SELENOW: variants seen among roughly 807,000 people sequenced by gnomAD.
The protein encoded by SELENOW is selenoprotein W.
SELENOW carries 20 observed loss-of-function variants against 16.6 expected under a neutral mutation model. The ratio of observed to expected loss-of-function variants is 1.21; its 90% CI spans 0.85 to 1.76. The LOEUF is 1.76. Ranked by LOEUF, SELENOW falls within the 40% of genes most tolerant of loss-of-function variation. The pLI is 0.00. For missense variants in SELENOW, 124 were observed against 111.0 expected, an observed-to-expected ratio of 1.12 and a Z score of -0.53; for synonymous variants, 44 against 46.2, an observed-to-expected ratio of 0.95 and a Z score of 0.19.
At chr19:47,781,072 A>G in intron 3 of SELENOW, 36 bp from the exon 4 acceptor site, 1 of 1,595,946 alleles carries the variant, frequency 6.3e-7, no homozygotes, top group South Asian at 1.1e-5. Flanking sequence ...AGGACATCTT[A>G]GCCCCTCCAA....
rs1297267700 is a variant in SELENOW at position 47,784,460 on chromosome 19, C to T, written c.*189C>T. ...GGGAGAGTCTGTGTGTATGTGTCTT[C>T]CCCGGAATCCACACCACCCCACCCT... is the stretch of plus-strand genomic sequence containing the variant. On this transcript the variant is annotated 3_prime_UTR_variant, in exon 6 of 6. Coordinates refer to ENST00000601048, the MANE Select transcript of SELENOW (RefSeq NM_003009.4). The T allele has an allele frequency of 6.6e-6, 1 of 152,566 alleles. No individual in the cohort carries two copies. Among genetic ancestry groups the T allele is most frequent in the African/African-American group, 2.4e-5 (1 of 41,426 alleles). The allele number at this position is 152,566 out of a possible 1,614,324, so 9.5% of individuals were successfully genotyped here.
intron 5 of SELENOW, 156 bp downstream of exon 5, chr19:47,781,544 GACA>G (rs1158940334): frequency 2.0e-5 from 12 of 613,550 alleles, no homozygotes; most frequent in Non-Finnish European, 2.9e-5. Flanking sequence ...GTTGGTGGAG[GACA>G]ACAACTGAGA....
At chr19:47,780,689 T>G in intron 1 of SELENOW, 36 bp from the exon 2 acceptor site, 7 of 1,550,578 alleles carry the variant, frequency 4.5e-6, no homozygotes, top group Non-Finnish European at 6.1e-6. Context: ...TCTCCCTCTC[T>G]CCCCTGGGCC....
At chr19:47,778,839 C>T (rs775848750) in intron 1 of SELENOW, 25 bp downstream of exon 1, 3 of 1,595,352 alleles carry the variant, frequency 1.9e-6, no homozygotes, top group Non-Finnish European at 1.7e-6. Flanking sequence ...CAGCGGCCCC[C>T]GTCCCCGACC....
chr19:47,780,794 G>T, intron 2 of SELENOW, 45 bp downstream of exon 2: 1 of 1,594,472 alleles, frequency 6.3e-7, no homozygotes, highest in Non-Finnish European at 8.5e-7. Context: ...GAGCTGGGGA[G>T]GGGTAGAGTG....
intron 1 of SELENOW, chr19:47,779,558 A>C (rs896114079): frequency 6.5e-6 from 1 of 153,036 alleles, no homozygotes; most frequent in African/African-American, 2.4e-5. Context: ...TAATCCAAAC[A>C]CTGGGAGGCT....
intron 1 of SELENOW, 122 bp downstream of exon 1, chr19:47,778,936 C>T: frequency 1.0e-6 from 1 of 984,820 alleles, no homozygotes. Flanking sequence ...AAGGGAGCCC[C>T]TGTATGTGGG....
At chr19:47,781,622 G>T in intron 5 of SELENOW, 1 of 568,164 alleles carries the variant, frequency 1.8e-6, no homozygotes, top group Non-Finnish European at 3.2e-6. Context: ...CAGGATGACA[G>T]CTGAGATGGG....
chr19:47,781,083 C>G (rs769681728), intron 3 of SELENOW, 25 bp from the exon 4 acceptor site: 1 of 1,607,592 alleles, frequency 6.2e-7, no homozygotes, highest in Admixed American at 1.7e-5. Context: ...GCCCCTCCAA[C>G]ATCTCCCCTA....
At chr19:47,778,988 T>C (rs1308581178) in intron 1 of SELENOW, 174 bp downstream of exon 1, 6 of 591,000 alleles carry the variant, frequency 1.0e-5, no homozygotes, top group African/African-American at 1.9e-5. Context: ...AGGGCGGTCG[T>C]CCCTAGGCCC....
At chr19:47,783,153 C>G (rs995429196) in intron 5 of SELENOW, 1 of 151,858 alleles carries the variant, frequency 6.6e-6, no homozygotes, top group Non-Finnish European at 1.5e-5. Flanking sequence ...ATTCTTGTGT[C>G]TCAGCCTCGT....
Sources: allele counts gnomAD v4.1 joint callset, GRCh38; gene constraint gnomAD v4.1.1; transcripts MANE v1.5; gene names NCBI Gene and HGNC (gene_info 2026-07-23, HGNC 2026-07-21).